The following TCF3 variants were observed in gnomAD, a reference collection of about 807,000 sequenced individuals.
TCF3 encodes the protein transcription factor E2-alpha.
A neutral mutation model predicts 72.3 loss-of-function variants in TCF3; 54 were observed. That is an observed-to-expected ratio of 0.75 (90% CI 0.60 to 0.94). The LOEUF (loss-of-function observed/expected upper bound fraction) is 0.94. TCF3 is among the 40% of genes least tolerant of loss of function. The probability of loss-of-function intolerance (pLI) is 0.00; values close to 1 mark genes in which losing one functional copy is unlikely to be tolerated. For missense variants in TCF3, 1,078 were observed against 934.4 expected, an observed-to-expected ratio of 1.15 and a Z score of -2.00; for synonymous variants, 525 against 412.6, an observed-to-expected ratio of 1.27 and a Z score of -3.30.
intron 1 of TCF3, chr19:1,650,871 TG>T (rs967705656): frequency 2.6e-5 from 6 of 228,338 alleles, no homozygotes; most frequent in African/African-American, 4.5e-5. Flanking sequence ...GTGCCGGGGG[TG>T]GGGGGGACGC....
chr19:1,625,573 C>A lies in TCF3; in HGVS notation c.499+3G>T. Reference sequence around the variant, plus strand: ...CCCGATGCCCCGGCCAGACCCCGCTCACCTAGGCTGCCGTCTGCCGCTCTC... The same window carrying A: ...CCCGATGCCCCGGCCAGACCCCGCTAACCTAGGCTGCCGTCTGCCGCTCTC... On this transcript the variant is annotated splice_donor_region_variant and intron_variant, in intron 7 of 18. Transcript: ENST00000262965. The A allele has an allele frequency of 6.3e-7, 1 of 1,581,702 alleles. No homozygotes were observed. Among genetic ancestry groups the A allele is most frequent in the Non-Finnish European group, 8.6e-7 (1 of 1,167,270 alleles).
intron 11 of TCF3, 23 bp downstream of exon 11, chr19:1,621,815 C>A: frequency 6.4e-6 from 10 of 1,568,876 alleles, no homozygotes; most frequent in Non-Finnish European, 8.6e-6. Flanking sequence ...TCGGAGAGGC[C>A]GCATCCCAGG....
intron 18 of TCF3, chr19:1,612,524 G>T (rs2061110378): frequency 7.7e-7 from 1 of 1,298,008 alleles, no homozygotes; most frequent in Non-Finnish European, 1.1e-6. Context: ...CCAGCTACTT[G>T]TGTTTGTGCT....
In TCF3 at chr19:1,610,418, TGGTG is replaced by T. The variant is rs2060901127; in HGVS notation, c.*1285_*1288del. On this transcript the variant is annotated 3_prime_UTR_variant, in exon 19 of 19. Coordinates refer to ENST00000262965, the MANE Select transcript of TCF3 (RefSeq NM_003200.5). ...ATGGCCCTCTGGTGTAATGGGGACA[TGGTG>T]GGGTGGGGTGGGGGGTGTCCTGTGC... 1.4e-4 allele frequency: 32 copies of T among 225,272 alleles called. No homozygotes were observed. The East Asian group carries it at 2.0e-3, about 14-fold the overall frequency. The allele number at this position is 225,272 out of a possible 1,614,324, so 14.0% of individuals were successfully genotyped here.
rs2063751655 is a variant in TCF3, at chr19:1,631,846, T to C, written c.298+192A>G. On this transcript the variant is annotated intron_variant, in intron 5 of 18. Transcript: ENST00000262965. ...GGGGAAGCCTAGTTGCAGAGTGCCG[T>C]GCCAGGGAGTCCGGGCCACGTCCCC... 3.5e-6 allele frequency: 5 copies of C among 1,437,298 alleles called. No homozygotes were observed. In the South Asian group the frequency reaches 6.4e-5, roughly 18 times the overall value. 89.0% of individuals were successfully genotyped at this position (1,437,298 alleles called of 1,614,324 possible).
chr19:1,627,994 G>A (rs866438742), intron 5 of TCF3, among the ~76,000 whole-genome samples: 1 of 8,430 alleles, frequency 1.2e-4, no homozygotes. Flanking sequence ...GGTGAGGCGG[G>A]AAGGGGACAG....
In TCF3 at chr19:1,615,586, C is replaced by T. The variant is rs986381677; in HGVS notation, c.1587-66G>A. ...GAGGTTGGGGGAAGAGCGTGGGGCC[C>T]GCCGACGGCCTCCCAGTGTGGGTGC... On this transcript the variant is annotated intron_variant, in intron 17 of 18. Coordinates refer to ENST00000262965, the MANE Select transcript of TCF3 (RefSeq NM_003200.5). The surrounding 1 kb of genome is among the most constrained non-coding windows in gnomAD (Gnocchi z 7.3). 2.5e-6 allele frequency: 4 copies of T among 1,605,390 alleles called. No individual in the cohort carries two copies. The highest frequency in any genetic ancestry group is 3.4e-6 in the Non-Finnish European group (4 of 1,179,652).
At chr19:1,645,946 G>C (rs529018286) in intron 3 of TCF3, among the ~76,000 whole-genome samples, 2 of 152,254 alleles carry the variant, frequency 1.3e-5, no homozygotes, top group East Asian at 3.9e-4. Context: ...CACAAGGTGG[G>C]TGGGATCCAG....
chr19:1,650,366 T>C (rs2066825968), intron 1 of TCF3, 79 bp from the exon 2 acceptor site: 3 of 1,119,358 alleles, frequency 2.7e-6, no homozygotes, highest in Non-Finnish European at 3.8e-6. Flanking sequence ...AAGCACAGAG[T>C]GCTAAAAGCC....
At chr19:1,625,500 C>CTAA in intron 7 of TCF3, 76 bp downstream of exon 7, 2 of 1,450,484 alleles carry the variant, frequency 1.4e-6, no homozygotes, top group Non-Finnish European at 1.8e-6. Context: ...GTGCCCTCAG[C>CTAA]TAACGGGAAG....
In TCF3 at chr19:1,612,308, C is replaced by T. The variant is rs200433738; in HGVS notation, c.1823-459G>A. The T allele has an allele frequency of 5.8e-5, 94 of 1,613,768 alleles. No individual in the cohort carries two copies. Among genetic ancestry groups the T allele is most frequent in the Admixed American group, 3.3e-5 (2 of 60,000 alleles). Reference sequence around the variant, plus strand: ...CGACTTGAGGTGCATCTGGCACATGCGCCCCAGCTCCCGGAAGGCCTCGTT... The same window carrying T: ...CGACTTGAGGTGCATCTGGCACATGTGCCCCAGCTCCCGGAAGGCCTCGTT... On this transcript the variant is annotated intron_variant, in intron 18 of 18. Transcript: ENST00000262965.
At position 1,632,032 on chromosome 19, in the gene TCF3, A is replaced by G. The variant is rs370129424; in HGVS notation, c.298+6T>C. ...GCAGAGGGACCGCACCAGGCCAGGC[A>G]CTCACCTCCGAGTCCCGGTCCCAGG... On this transcript the variant is annotated splice_donor_region_variant and intron_variant, in intron 5 of 18. Transcript: ENST00000262965. 77 of 1,612,128 alleles carry G rather than the reference A, an allele frequency of 4.8e-5. No individual in the cohort carries two copies. Among genetic ancestry groups the G allele is most frequent in the Non-Finnish European group, 5.4e-5 (64 of 1,179,328 alleles).
At chr19:1,650,607 G>A (rs1305851417) in intron 1 of TCF3, 2 of 280,808 alleles carry the variant, frequency 7.1e-6, no homozygotes, top group Non-Finnish European at 6.7e-6. Context: ...TAAACTGCAC[G>A]CAGGGCAGCC....
intron 8 of TCF3, 57 bp from the exon 9 acceptor site, chr19:1,622,472 C>G (rs1174119395): frequency 1.0e-6 from 1 of 998,086 alleles, no homozygotes; most frequent in East Asian, 2.8e-5. Flanking sequence ...ACGATCAGCC[C>G]ATGCACCTTG....
At chr19:1,624,422 C>G (rs1001782599) in intron 7 of TCF3, among the ~76,000 whole-genome samples, 1 of 152,196 alleles carries the variant, frequency 6.6e-6, no homozygotes, top group Non-Finnish European at 1.5e-5. Flanking sequence ...GCAGCAACAA[C>G]AACAAAAAGC....
In TCF3 at chr19:1,629,095, GC is replaced by G. The variant is rs1472340884; in HGVS notation, c.299-1670del. 4.7e-5 allele frequency among the ~76,000 whole-genome samples: 5 copies of G among 105,808 alleles called. 1 individual carries two copies. The highest frequency in any genetic ancestry group is 2.1e-4 in the African/African-American group (5 of 24,122). The allele number at this position is 105,808 out of a possible 152,430, so 69.4% of individuals were successfully genotyped here. A position where few individuals can be genotyped will look rare whatever the true frequency, so the allele number is the denominator to read the frequency against. On this transcript the variant is annotated intron_variant, in intron 5 of 18. Transcript: ENST00000262965. ...CACGGGGTGAGGCGGGAAGGGGACA[GC>G]AGAGCTCACGGGGTGAGGCGGGAAG...
chr19:1,623,268 A>G (rs1194479363), intron 8 of TCF3, among the ~76,000 whole-genome samples: 1 of 152,066 alleles, frequency 6.6e-6, no homozygotes, highest in East Asian at 1.9e-4. Context: ...ATGAGACCGC[A>G]GGAGTGTGGC....
rs562115419 is a variant in TCF3, at chr19:1,638,357, T to C, written c.146-5952A>G. On this transcript the variant is annotated intron_variant, in intron 3 of 18. Coordinates refer to ENST00000262965, the MANE Select transcript of TCF3 (RefSeq NM_003200.5). Reference sequence around the variant, plus strand: ...AATACACAATTATGAACAGATACAATGTTTTTTTGTTTTTTTTGTTTGTTT... The same window carrying C: ...AATACACAATTATGAACAGATACAACGTTTTTTTGTTTTTTTTGTTTGTTT... Among the ~76,000 whole-genome samples, 7 of 152,292 alleles carry C rather than the reference T, an allele frequency of 4.6e-5. No homozygotes were observed. In the South Asian group the frequency reaches 1.4e-3, roughly 32 times the overall value.
At chr19:1,617,067 T>C (rs2061621424) in intron 16 of TCF3, among the ~76,000 whole-genome samples, 1 of 152,150 alleles carries the variant, frequency 6.6e-6, no homozygotes, top group African/African-American at 2.4e-5. Flanking sequence ...ATTAAGGAAA[T>C]GCAAATTAGG....
Sources: allele counts gnomAD v4.1 joint callset (sites outside exome capture counted in the v4.1 genomes callset), GRCh38; gene constraint gnomAD v4.1.1; non-coding constraint Gnocchi (gnomAD v3.1); transcripts MANE v1.5; gene names NCBI Gene and HGNC (gene_info 2026-07-23, HGNC 2026-07-21).